RNGTT: variants seen among roughly 807,000 people sequenced by gnomAD.
RNGTT encodes mRNA-capping enzyme.
A neutral mutation model predicts 79.3 loss-of-function variants in RNGTT; 33 were observed. That is an observed-to-expected ratio of 0.42 (90% confidence interval 0.32 to 0.56). The LOEUF (loss-of-function observed/expected upper bound fraction) is 0.56. Among genes scored for constraint, RNGTT ranks in the 20% least tolerant of loss-of-function variants. The pLI is 0.17. For synonymous variants in RNGTT, 222 were observed against 235.9 expected (o/e 0.94, Z 0.54); for missense variants, 497 against 739.1 (o/e 0.67, Z 3.80).
At chr6:88,624,100 CCTA>C (rs1469086614) in intron 14 of RNGTT, among the ~76,000 whole-genome samples, 4 of 151,618 alleles carry the variant, frequency 2.6e-5, no homozygotes, top group African/African-American at 9.7e-5. Context: ...TCAAGGAGAA[CCTA>C]AATAAAAAGA....
intron 13 of RNGTT, among the ~76,000 whole-genome samples, chr6:88,684,300 A>G (rs1775197660): frequency 6.6e-6 from 1 of 152,222 alleles, no homozygotes; most frequent in African/African-American, 2.4e-5. Context: ...AAAATAGCAT[A>G]GCCCCTTTGG....
chr6:88,949,397 G>GACTA (rs1192023560), intron 1 of RNGTT, among the ~76,000 whole-genome samples: 1 of 151,560 alleles, frequency 6.6e-6, no homozygotes, highest in Non-Finnish European at 1.5e-5. Context: ...CTGTAGCTGG[G>GACTA]ACTACAGGTG....
chr6:88,614,425 T>C (rs1392037214), intron 14 of RNGTT, 30 bp from the exon 15 acceptor site: 2 of 1,607,938 alleles, frequency 1.2e-6, no homozygotes, highest in Admixed American at 3.4e-5. Context: ...AGGAAAATAT[T>C]TAAATAACTT....
intron 14 of RNGTT, among the ~76,000 whole-genome samples, chr6:88,675,116 AAAT>A (rs1169796496): frequency 2.0e-5 from 3 of 151,398 alleles, no homozygotes; most frequent in African/African-American, 7.3e-5. Context: ...AAAAAAAAAA[AAAT>A]TATAGGTTTC....
chr6:88,787,615 C>T (rs1399958935), intron 12 of RNGTT, among the ~76,000 whole-genome samples: 1 of 151,458 alleles, frequency 6.6e-6, no homozygotes, highest in Non-Finnish European at 1.5e-5. Context: ...GCCCAGATCG[C>T]GTCACTGCAC....
intron 14 of RNGTT, among the ~76,000 whole-genome samples, chr6:88,646,644 C>A (rs1264634887): frequency 6.6e-6 from 1 of 152,144 alleles, no homozygotes; most frequent in East Asian, 1.9e-4. Flanking sequence ...ACATATACAC[C>A]ATGGAATACT....
At chr6:88,843,859 GTA>G (rs1156878000) in intron 11 of RNGTT, among the ~76,000 whole-genome samples, 1 of 150,424 alleles carries the variant, frequency 6.6e-6, no homozygotes, top group Non-Finnish European at 1.5e-5. Context: ...CCTGGCCTTA[GTA>G]TATGATTCAT....
At chr6:88,643,014 A>G (rs1341851730) in intron 14 of RNGTT, among the ~76,000 whole-genome samples, 2 of 152,168 alleles carry the variant, frequency 1.3e-5, no homozygotes. Context: ...CTTACAATAC[A>G]GTTACATCCT....
At chr6:88,946,906 G>A (rs541935616) in intron 1 of RNGTT, among the ~76,000 whole-genome samples, 2,052 of 128,952 alleles carry the variant, frequency 0.016, 56 homozygotes, top group African/African-American at 0.058. Flanking sequence ...TCGGCCTCCC[G>A]AGGTGCCGGG....
chr6:88,619,341 T>G (rs1279679904), intron 14 of RNGTT, among the ~76,000 whole-genome samples: 1 of 151,886 alleles, frequency 6.6e-6, no homozygotes, highest in African/African-American at 2.4e-5. Flanking sequence ...AATATTGCAA[T>G]TTTTTTTGTA....
At chr6:88,890,372 AC>A in intron 8 of RNGTT, 122 bp downstream of exon 8, 1 of 630,854 alleles carries the variant, frequency 1.6e-6, no homozygotes, top group South Asian at 2.2e-5. Context: ...AATTTTTGAA[AC>A]ATTTATTTTG....
intron 13 of RNGTT, among the ~76,000 whole-genome samples, chr6:88,744,150 A>G (rs890565328): frequency 8.5e-5 from 13 of 152,196 alleles, no homozygotes; most frequent in African/African-American, 1.4e-4. Context: ...TCTCCTGACT[A>G]TATGATTTAA....
chr6:88,895,227 CTCTGTGTG>C (rs915282386), intron 6 of RNGTT, among the ~76,000 whole-genome samples: 9 of 101,536 alleles, frequency 8.9e-5, no homozygotes, highest in African/African-American at 3.3e-4. Context: ...TGAGAGAGAG[CTCTGTGTG>C]TGTGTGTGTG....
At chr6:88,804,594 T>G (rs1779897001) in intron 11 of RNGTT, among the ~76,000 whole-genome samples, 1 of 152,216 alleles carries the variant, frequency 6.6e-6, no homozygotes, top group South Asian at 2.1e-4. Context: ...AGAATAGAGA[T>G]GTAATCTAAA....
intron 12 of RNGTT, among the ~76,000 whole-genome samples, chr6:88,794,901 G>A (rs192062633): frequency 6.6e-6 from 1 of 152,284 alleles, no homozygotes; most frequent in African/African-American, 2.4e-5. Context: ...GACACAGAGT[G>A]TGCACAGGAA....
chr6:88,939,086 G>T (rs1187307473), intron 2 of RNGTT, among the ~76,000 whole-genome samples: 1 of 152,266 alleles, frequency 6.6e-6, no homozygotes, highest in East Asian at 1.9e-4. Flanking sequence ...GCGTTGTGGA[G>T]AAGACCTTTT....
intron 14 of RNGTT, among the ~76,000 whole-genome samples, chr6:88,627,500 C>T (rs1367822389): frequency 6.6e-6 from 1 of 152,070 alleles, no homozygotes; most frequent in Non-Finnish European, 1.5e-5. Flanking sequence ...CTCAACTATT[C>T]ACCTCTGCCT....
At chr6:88,755,834 G>A (rs10455493) in intron 13 of RNGTT, among the ~76,000 whole-genome samples, 35,578 of 151,310 alleles carry the variant, frequency 0.24, 5,019 homozygotes, top group Non-Finnish European at 0.31. Flanking sequence ...GGTGGCGGGC[G>A]CCTGTAATCT....
At chr6:88,770,464 G>C (rs1778615354) in intron 12 of RNGTT, among the ~76,000 whole-genome samples, 1 of 152,200 alleles carries the variant, frequency 6.6e-6, no homozygotes, top group East Asian at 1.9e-4. Context: ...CTATCCTGGT[G>C]CATATACTAG....
Sources: allele counts gnomAD v4.1 joint callset (sites outside exome capture counted in the v4.1 genomes callset), GRCh38; gene constraint gnomAD v4.1.1; transcripts MANE v1.5; gene names NCBI Gene and HGNC (gene_info 2026-07-23, HGNC 2026-07-21).